The following UTRN variants were observed in gnomAD, a reference collection of about 807,000 sequenced individuals.
The protein encoded by UTRN is dystrophin-related protein 1.
A neutral mutation model predicts 463.9 loss-of-function variants in UTRN; 283 were observed. That is an observed-to-expected ratio of 0.61 (90% CI 0.55 to 0.67). The LOEUF (loss-of-function observed/expected upper bound fraction) is 0.67. Among genes scored for constraint, UTRN ranks in the 30% least tolerant of loss-of-function variants. The pLI, the probability that UTRN is intolerant of heterozygous loss-of-function variation, is 0.00. For synonymous variants in UTRN, 1,442 were observed against 1,431.5 expected, an observed-to-expected ratio of 1.01 and a Z score of -0.17; for missense variants, 3,922 against 4,084.3, an observed-to-expected ratio of 0.96 and a Z score of 1.08.
chr6:144,476,777 G>A (rs1791251207), intron 25 of UTRN, among the ~76,000 whole-genome samples: 1 of 152,136 alleles, frequency 6.6e-6, no homozygotes, highest in Admixed American at 6.5e-5. Flanking sequence ...TGAGAAAGCA[G>A]GGTCAATGAA....
chr6:144,425,831 A>C (rs1474522737), intron 6 of UTRN, among the ~76,000 whole-genome samples: 1 of 152,240 alleles, frequency 6.6e-6, no homozygotes, highest in East Asian at 1.9e-4. Flanking sequence ...GAATAATACT[A>C]TAAAATGTTA....
intron 59 of UTRN, among the ~76,000 whole-genome samples, 194 bp downstream of exon 59, chr6:144,772,162 T>A (rs1236140108): frequency 1.3e-5 from 2 of 150,938 alleles, no homozygotes; most frequent in African/African-American, 2.4e-5. Flanking sequence ...GGCTCCTGAG[T>A]AGCTGGGACT....
At position 144,557,234 on chromosome 6, in the gene UTRN, A is replaced by G; in HGVS notation, c.7212A>G (p.Glu2404=). Residue 2404 remains glutamate, a synonymous_variant, in exon 50 of 75, where the codon GAA becomes GAG. Coordinates refer to ENST00000367545, the MANE Select transcript of UTRN (RefSeq NM_007124.3). ...ACGTCCTGCAGAAACTCCTGGAGGA[A>G]TATGGGAGTGATGACACAAGGAATG... The part of the protein sequence containing the change: ...FDNVLQKLLE[E]YGSDDTRNVK... 2 of 1,613,980 alleles carry G rather than the reference A, an allele frequency of 1.2e-6. No individual in the cohort carries two copies. The highest frequency in any genetic ancestry group is 8.5e-7 in the Non-Finnish European group (1 of 1,179,894).
chr6:144,373,215 A>G (rs993904976), intron 2 of UTRN, among the ~76,000 whole-genome samples: 5 of 152,232 alleles, frequency 3.3e-5, no homozygotes, highest in Admixed American at 1.3e-4. Flanking sequence ...AAACTTGTAC[A>G]TGGATATTCA....
At chr6:144,393,496 G>T (rs1389011399) in intron 2 of UTRN, among the ~76,000 whole-genome samples, 1 of 152,126 alleles carries the variant, frequency 6.6e-6, no homozygotes, top group Non-Finnish European at 1.5e-5. Context: ...AGAAGAAAAA[G>T]AAACGATGGA....
In UTRN at chr6:144,730,400, A is replaced by T; in HGVS notation, c.7853A>T (p.Asn2618Ile). Residue 2618 changes from asparagine to isoleucine, a missense_variant, in exon 54 of 75, where the codon AAT (asparagine) becomes ATT (isoleucine). By Grantham distance (149) the Asn-to-Ile change is moderately radical. Transcript: ENST00000367545. ...AAGGAGAAAGAATATTCTGTCCTGAATGCTGTCGACCAGGCCCGAGTTTTC... is the reference window on the plus strand; with the variant it reads ...AAGGAGAAAGAATATTCTGTCCTGATTGCTGTCGACCAGGCCCGAGTTTTC... ...ELKEKEYSVL[N>I]AVDQARVFLA... 6.2e-7 allele frequency: 1 copy of T among 1,612,374 alleles called. No individual in the cohort carries two copies. Among genetic ancestry groups the T allele is most frequent in the Non-Finnish European group, 8.5e-7 (1 of 1,179,102 alleles).
intron 51 of UTRN, among the ~76,000 whole-genome samples, chr6:144,596,847 G>A (rs564117459): frequency 1.1e-4 from 16 of 152,066 alleles, no homozygotes; most frequent in Non-Finnish European, 1.8e-4. Flanking sequence ...TTGAGCCCTT[G>A]CATACTTTAC....
chr6:144,523,030 A>T lies in UTRN; in HGVS notation c.5748A>T (p.Gln1916His), dbSNP rs201027686. The T allele has an allele frequency of 5.6e-6, 9 of 1,602,502 alleles. No individual in the cohort carries two copies. The highest frequency in any genetic ancestry group is 1.7e-4 in the Middle Eastern group (1 of 6,040). The change falls in exon 41 of 75, where the codon CAA (glutamine) becomes CAT (histidine). Residue 1916 changes from glutamine (Q) to histidine (H), a missense_variant. By Grantham distance (24) the Gln-to-His change is conservative. Around this residue, in one of 3 missense-constraint regions of UTRN, gnomAD observed 2,349 missense variants for 2,303.8 expected, o/e 1.02. Coordinates refer to ENST00000367545, the MANE Select transcript of UTRN (RefSeq NM_007124.3). ...QEDSLKNIKD[Q>H]LDKLGEQIAV... ...TATATTTTTAGAATATCAAAGACCA[A>T]CTGGACAAACTTGGAGAGCAGATTG...
intron 61 of UTRN, among the ~76,000 whole-genome samples, chr6:144,785,863 G>T (rs1355792058): frequency 1.3e-5 from 2 of 152,086 alleles, no homozygotes; most frequent in Non-Finnish European, 2.9e-5. Flanking sequence ...CAGATTAAAA[G>T]GTCTTAATTT....
intron 42 of UTRN, among the ~76,000 whole-genome samples, chr6:144,532,381 G>A (rs983324953): frequency 6.6e-4 from 101 of 152,330 alleles, no homozygotes; most frequent in African/African-American, 2.1e-3. Flanking sequence ...GAAACGTCCA[G>A]TCATGGTGGA....
intron 54 of UTRN, among the ~76,000 whole-genome samples, chr6:144,735,289 T>C (rs1334974301): frequency 6.6e-6 from 1 of 152,134 alleles, no homozygotes; most frequent in East Asian, 1.9e-4. Flanking sequence ...CTTAGGGGTA[T>C]GGACAGGTAG....
chr6:144,582,491 C>A (rs997134264), intron 51 of UTRN, among the ~76,000 whole-genome samples: 4 of 152,064 alleles, frequency 2.6e-5, no homozygotes, highest in African/African-American at 9.7e-5. Flanking sequence ...CATAGAACCC[C>A]AAAATTATGT....
intron 2 of UTRN, among the ~76,000 whole-genome samples, chr6:144,392,894 C>T (rs73594975): frequency 0.039 from 6,007 of 152,250 alleles, 370 homozygotes; most frequent in African/African-American, 0.13. Context: ...TGTGAGGCAT[C>T]AAACAAGAGG....
intron 2 of UTRN, among the ~76,000 whole-genome samples, chr6:144,364,445 G>A (rs964974302): frequency 4.7e-5 from 7 of 149,534 alleles, no homozygotes; most frequent in Non-Finnish European, 4.5e-5. Context: ...TAGATTTTGT[G>A]TGTGGGTGCT....
intron 64 of UTRN, 127 bp downstream of exon 64, chr6:144,798,117 G>A (rs1280572923): frequency 8.0e-7 from 1 of 1,255,832 alleles, no homozygotes; most frequent in Non-Finnish European, 1.1e-6. Flanking sequence ...GGTATGTTCA[G>A]TATGTCTCAT....
intron 47 of UTRN, 59 bp from the exon 48 acceptor site, chr6:144,550,906 C>A: frequency 7.0e-7 from 1 of 1,422,898 alleles, no homozygotes; most frequent in Non-Finnish European, 9.4e-7. Flanking sequence ...AACTGTTTTG[C>A]TTATTATTCT....
chr6:144,424,190 G>C, intron 6 of UTRN, 112 bp downstream of exon 6: 1 of 1,145,188 alleles, frequency 8.7e-7, no homozygotes, highest in Admixed American at 2.3e-5. Context: ...TTGAACAACA[G>C]AAATTTGTTG....
At chr6:144,474,316 A>G (rs1790969579) in intron 24 of UTRN, among the ~76,000 whole-genome samples, 1 of 152,162 alleles carries the variant, frequency 6.6e-6, no homozygotes, top group Admixed American at 6.5e-5. Context: ...ATTTGCTAGT[A>G]ATAGTGCATG....
chr6:144,386,036 G>A (rs1196178434), intron 2 of UTRN, among the ~76,000 whole-genome samples: 2 of 152,274 alleles, frequency 1.3e-5, no homozygotes, highest in African/African-American at 2.4e-5. Flanking sequence ...ACAGTGACAA[G>A]AAGTTAACAT....
Sources: gnomAD v4.1 joint callset for allele counts (sites outside exome capture counted in the v4.1 genomes callset) on GRCh38, gnomAD v4.1.1 for gene constraint, gnomAD v4.1.1 regional missense constraint, MANE v1.5 for transcripts, NCBI Gene and HGNC (gene_info 2026-07-23, HGNC 2026-07-21) for gene names.